The following MDH1B variants were observed in gnomAD, a reference collection of about 807,000 sequenced individuals.
MDH1B encodes the protein malate dehydrogenase 1B.
A neutral mutation model predicts 61.4 loss-of-function variants in MDH1B; 60 were observed. The observed-to-expected ratio is 0.98, with a 90% CI of 0.79 to 1.21. MDH1B has a LOEUF of 1.21. MDH1B is among the 50% of genes most tolerant of loss of function. The pLI, the probability that MDH1B is intolerant of heterozygous loss-of-function variation, is 0.00. For missense variants in MDH1B, 587 were observed against 632.1 expected, an observed-to-expected ratio of 0.93 and a Z score of 0.76; for synonymous variants, 236 against 218.7, an observed-to-expected ratio of 1.08 and a Z score of -0.70.
At chr2:206,745,032 T>C (rs147625792) in intron 9 of MDH1B, among the ~76,000 whole-genome samples, 3 of 152,026 alleles carry the variant, frequency 2.0e-5, no homozygotes, top group East Asian at 3.9e-4. Flanking sequence ...GTGGATATAA[T>C]CAATTTAAGA....
intron 7 of MDH1B, among the ~76,000 whole-genome samples, chr2:206,748,555 T>G (rs942670298): frequency 2.0e-5 from 3 of 152,218 alleles, no homozygotes. Context: ...CCTGCCTTTG[T>G]GTCTGTGCTC....
rs1574614033 is a variant in MDH1B, at chr2:206,738,349, T to C, written c.*134A>G. 1.6e-5 allele frequency: 9 copies of C among 567,940 alleles called. No homozygotes were observed. In the East Asian group the frequency reaches 2.9e-4, roughly 18 times the overall value. The allele number at this position is 567,940 out of a possible 1,614,324, so 35.2% of individuals were successfully genotyped here. A position where few individuals can be genotyped will look rare whatever the true frequency, so the allele number is the denominator to read the frequency against. ...CCTCTGTGCTGTCACAGTGATTTAA[T>C]TGCCTTGCATGGTATTATCTAAGAC... On this transcript the variant is annotated 3_prime_UTR_variant, in exon 12 of 12. Coordinates refer to ENST00000374412, the MANE Select transcript of MDH1B (RefSeq NM_001039845.3).
At position 206,749,186 on chromosome 2, in the gene MDH1B, G is replaced by A. The variant is rs763354420; in HGVS notation, c.1053-3C>T. On this transcript the variant is annotated splice_region_variant and splice_polypyrimidine_tract_variant and intron_variant, in intron 6 of 11. Transcript: ENST00000374412. ...CAAATTCTCTTTTTACCCACTCACTGTAAGGAGAGAAAGAAACAATTTTAC... is the reference window on the plus strand; with the variant it reads ...CAAATTCTCTTTTTACCCACTCACTATAAGGAGAGAAAGAAACAATTTTAC... 6 of 1,613,328 alleles carry A rather than the reference G, an allele frequency of 3.7e-6. No homozygotes were observed. The highest frequency in any genetic ancestry group is 5.1e-6 in the Non-Finnish European group (6 of 1,179,666).
intron 9 of MDH1B, among the ~76,000 whole-genome samples, chr2:206,741,643 A>C (rs12466626): frequency 0.29 from 43,568 of 152,102 alleles, 8,467 homozygotes; most frequent in East Asian, 0.56. Flanking sequence ...AAGCTTGCAG[A>C]CAGCCCATTG....
At chr2:206,745,468 A>G (rs1322100663) in intron 9 of MDH1B, 154 bp downstream of exon 9, 3 of 667,438 alleles carry the variant, frequency 4.5e-6, no homozygotes, top group Non-Finnish European at 8.1e-6. Flanking sequence ...TTTATTTCAA[A>G]GGACACATTG....
intron 9 of MDH1B, 109 bp downstream of exon 9, chr2:206,745,513 T>C: frequency 1.2e-6 from 1 of 839,314 alleles, no homozygotes; most frequent in South Asian, 1.6e-5. Context: ...AGTTTAGAAA[T>C]GACAAAATAT....
chr2:206,750,794 A>C (rs1688389984), intron 6 of MDH1B, 140 bp downstream of exon 6: 1 of 640,094 alleles, frequency 1.6e-6, no homozygotes, highest in Admixed American at 4.0e-5. Flanking sequence ...CTGTTTCTTC[A>C]GTAGACAGCA....
intron 5 of MDH1B, 35 bp from the exon 6 acceptor site, chr2:206,751,110 A>G: frequency 7.1e-7 from 1 of 1,415,704 alleles, no homozygotes; most frequent in Non-Finnish European, 9.5e-7. Context: ...AAATAATAAT[A>G]ATGTATGTTA....
At chr2:206,758,246 C>A (rs1420648188) in intron 2 of MDH1B, among the ~76,000 whole-genome samples, 2 of 152,150 alleles carry the variant, frequency 1.3e-5, no homozygotes, top group Non-Finnish European at 2.9e-5. Context: ...AGGGCATGTA[C>A]AAGACTGGAC....
Position 206,751,076 on chromosome 2 carries a change from C to A in MDH1B, c.911-1G>T. ...CCCCAAATGATCACGTCTTTAATGT[C>A]TGTGAAGAATAGAAAGTTTAGAAAA... On this transcript the variant is annotated splice_acceptor_variant, in intron 5 of 11. Transcript: ENST00000374412. LOFTEE classifies it high-confidence loss of function. 6.5e-7 allele frequency: 1 copy of A among 1,545,248 alleles called. No individual in the cohort carries two copies. The highest frequency in any genetic ancestry group is 8.7e-7 in the Non-Finnish European group (1 of 1,143,144).
chr2:206,745,730 C>CTTTTT (rs140066038), intron 8 of MDH1B, 57 bp from the exon 9 acceptor site: 136 of 748,382 alleles, frequency 1.8e-4, no homozygotes, highest in Middle Eastern at 4.0e-4. Flanking sequence ...CTTAATTCTT[C>CTTTTT]TTTTTTTTTT....
intron 9 of MDH1B, 29 bp from the exon 10 acceptor site, chr2:206,741,133 G>T: frequency 6.2e-7 from 1 of 1,611,660 alleles, no homozygotes; most frequent in South Asian, 1.1e-5. Flanking sequence ...AAAACATGCT[G>T]GATTTAGAAT....
intron 2 of MDH1B, among the ~76,000 whole-genome samples, chr2:206,758,386 C>T (rs1688886305): frequency 6.6e-6 from 1 of 152,044 alleles, no homozygotes; most frequent in African/African-American, 2.4e-5. Context: ...CAACATGTTG[C>T]CAGACTGGCT....
At chr2:206,760,587 A>T (rs532910004) in intron 2 of MDH1B, among the ~76,000 whole-genome samples, 1 of 152,268 alleles carries the variant, frequency 6.6e-6, no homozygotes, top group East Asian at 1.9e-4. Context: ...ATCCCAAATA[A>T]GTCATTGGAA....
chr2:206,765,188 A>G (rs913914964), intron 1 of MDH1B, 62 bp downstream of exon 1: 1 of 1,584,766 alleles, frequency 6.3e-7, no homozygotes, highest in East Asian at 2.3e-5. Context: ...CCGAGCGGCC[A>G]TGGGAGGTGA....
Position 206,738,422 on chromosome 2 carries a change from T to C in MDH1B, c.*61A>G. On this transcript the variant is annotated 3_prime_UTR_variant, in exon 12 of 12. Coordinates refer to ENST00000374412, the MANE Select transcript of MDH1B (RefSeq NM_001039845.3). ...TCTTCCTTAAATATAGACATTCATA[T>C]AAATTCTTTCTATGTTTATTGTGCT... 1 of 1,243,170 alleles carries C rather than the reference T, an allele frequency of 8.0e-7. No homozygotes were observed. Among genetic ancestry groups the C allele is most frequent in the Non-Finnish European group, 1.1e-6 (1 of 876,204 alleles). 77.0% of individuals were successfully genotyped at this position (1,243,170 alleles called of 1,614,324 possible). A position where few individuals can be genotyped will look rare whatever the true frequency, so the allele number is the denominator to read the frequency against.
intron 10 of MDH1B, among the ~76,000 whole-genome samples, chr2:206,740,483 G>A (rs574539255): frequency 2.0e-4 from 30 of 152,134 alleles, no homozygotes; most frequent in Non-Finnish European, 4.1e-4. Flanking sequence ...TGGTCTTGCT[G>A]TCTTAGGGAT....
intron 7 of MDH1B, among the ~76,000 whole-genome samples, chr2:206,747,948 C>T (rs575031280): frequency 3.9e-5 from 6 of 152,210 alleles, no homozygotes; most frequent in African/African-American, 1.2e-4. Context: ...AGCTAGAGCT[C>T]GGCAGAGAGG....
chr2:206,755,464 G>A lies in MDH1B; in HGVS notation c.455C>T (p.Thr152Met), dbSNP rs766638320. The A allele has an allele frequency of 2.2e-5, 36 of 1,613,846 alleles. No individual in the cohort carries two copies. The highest frequency in any genetic ancestry group is 2.0e-4 in the East Asian group (9 of 44,900). The change falls in exon 5 of 12, where the codon ACG becomes ATG. Residue 152 changes from threonine (T) to methionine (M), a missense_variant. Thr to Met is a moderately conservative substitution (Grantham distance 81). Transcript: ENST00000374412. ...PACYNLIPIL[T>M]SGEVFGMHTE... is the part of the protein sequence containing the mutation. ...ATGCATCCCAAACACTTCGCCACTC[G>A]TCAATATGGGAATTAGGTTGTAGCA...
Sources: gnomAD v4.1 joint callset for allele counts (sites outside exome capture counted in the v4.1 genomes callset) on GRCh38, gnomAD v4.1.1 for gene constraint, MANE v1.5 for transcripts, NCBI Gene and HGNC (gene_info 2026-07-23, HGNC 2026-07-21) for gene names.